APOOL: variants seen among roughly 807,000 people sequenced by gnomAD.
The protein encoded by APOOL is apolipoprotein O like, also known as MICOS complex subunit MIC27.
Under a neutral mutation model 23.1 loss-of-function variants are expected in APOOL, and 12 were observed. The observed-to-expected ratio is 0.52, with a 90% confidence interval of 0.33 to 0.84. APOOL has a LOEUF of 0.84. Among genes scored for constraint, APOOL ranks in the 40% least tolerant of loss-of-function variants. The pLI, the probability that APOOL is intolerant of heterozygous loss-of-function variation, is 0.02. For synonymous variants in APOOL, 77 were observed against 69.9 expected, an observed-to-expected ratio of 1.10 and a Z score of -0.51; for missense variants, 212 against 199.6, an observed-to-expected ratio of 1.06 and a Z score of -0.37.
chrX:85,046,304 T>C (rs1922571734), intron 1 of APOOL, 142 bp from the exon 2 acceptor site: 5 of 458,427 alleles, frequency 1.1e-5, no homozygotes, highest in Non-Finnish European at 1.8e-5. Context: ...CTTAAAAATG[T>C]CTGAGGTAAT....
At chrX:85,032,543 T>A (rs939413620) in intron 1 of APOOL, among the ~76,000 whole-genome samples, 3 of 110,848 alleles carry the variant, frequency 2.7e-5, no homozygotes, top group African/African-American at 9.8e-5. Context: ...TTAAAAAAGA[T>A]GTTTAATTGT....
Position 85,090,600 on chromosome X carries a change from A to T in APOOL, c.*2922A>T, listed in dbSNP as rs1161014480. 1 of 110,606 alleles carries T rather than the reference A, an allele frequency of 9.0e-6. No homozygotes were observed. Among genetic ancestry groups the T allele is most frequent in the Non-Finnish European group, 1.9e-5 (1 of 52,839 alleles). 9.1% of individuals were successfully genotyped at this position (110,606 alleles called of 1,213,427 possible). On this transcript the variant is annotated 3_prime_UTR_variant, in exon 9 of 9. Coordinates refer to ENST00000373173, the MANE Select transcript of APOOL (RefSeq NM_198450.6). The stretch of plus-strand genomic sequence containing the variant: ...AATCCTATCTTCCCTCTCCTTACCC[A>T]CCCTACTGCTAATGTGTATTATATT...
intron 1 of APOOL, among the ~76,000 whole-genome samples, chrX:85,005,667 G>A (rs1921053666): frequency 9.0e-6 from 1 of 110,559 alleles, no homozygotes; most frequent in Admixed American, 9.5e-5. Flanking sequence ...TAGTCAACAT[G>A]TTCTACATGA....
Position 85,063,633 on chromosome X carries a change from T to C in APOOL, c.395-3494T>C, listed in dbSNP as rs192702563. 1.3e-3 allele frequency among the ~76,000 whole-genome samples: 142 copies of C among 111,669 alleles called. 1 individual carries two copies. The highest frequency in any genetic ancestry group is 0.011 in the Admixed American group (120 of 10,483). ...TCTATTCAGATAATCATGTGGTTTT[T>C]GTCTTTAGTTCTTTTTACGTGATGA... On this transcript the variant is annotated intron_variant, in intron 5 of 8. Coordinates refer to ENST00000373173, the MANE Select transcript of APOOL (RefSeq NM_198450.6).
chrX:85,041,339 G>A (rs1242967515), intron 1 of APOOL, among the ~76,000 whole-genome samples: 1 of 111,697 alleles, frequency 9.0e-6, no homozygotes, highest in Non-Finnish European at 1.9e-5. Flanking sequence ...TGTAGTAGAG[G>A]TGGGGGCTGA....
At chrX:85,062,130 A>G (rs1179664784) in intron 5 of APOOL, among the ~76,000 whole-genome samples, 7 of 111,063 alleles carry the variant, frequency 6.3e-5, no homozygotes, top group Non-Finnish European at 1.3e-4. Context: ...CCTTCATTTC[A>G]TTATTTACCC....
chrX:85,080,943 T>C (rs1924071310), intron 8 of APOOL, among the ~76,000 whole-genome samples: 1 of 110,795 alleles, frequency 9.0e-6, no homozygotes, highest in South Asian at 3.8e-4. Context: ...TCCATCTGCT[T>C]GTTAGATCTT....
intron 5 of APOOL, among the ~76,000 whole-genome samples, chrX:85,061,173 C>T (rs886647580): frequency 3.6e-5 from 4 of 110,967 alleles, no homozygotes; most frequent in African/African-American, 9.8e-5. Flanking sequence ...GTTTGTATGC[C>T]GGATTACATT....
intron 1 of APOOL, among the ~76,000 whole-genome samples, chrX:85,034,547 A>G (rs947063313): frequency 7.2e-5 from 8 of 110,818 alleles, no homozygotes; most frequent in Admixed American, 2.9e-4. Flanking sequence ...ATGCTGATGT[A>G]TGGGGTTTGA....
intron 1 of APOOL, among the ~76,000 whole-genome samples, chrX:85,019,717 A>G (rs1161081838): frequency 9.0e-6 from 1 of 111,647 alleles, no homozygotes; most frequent in African/African-American, 3.3e-5. Flanking sequence ...CAGATCATCT[A>G]CAGAGTTCAG....
At chrX:85,069,479 A>G (rs1210678394) in intron 6 of APOOL, among the ~76,000 whole-genome samples, 2 of 109,009 alleles carry the variant, frequency 1.8e-5, no homozygotes, top group Non-Finnish European at 3.8e-5. Flanking sequence ...GCCTGGTGGC[A>G]GGCGCCTGCA....
chrX:85,005,488 T>A (rs1292230890), intron 1 of APOOL, among the ~76,000 whole-genome samples: 1 of 104,895 alleles, frequency 9.5e-6, no homozygotes, highest in Non-Finnish European at 1.9e-5. Context: ...AACTCTTGTT[T>A]GTGCTCCCAG....
chrX:85,053,632 T>C (rs1157209803), intron 3 of APOOL, among the ~76,000 whole-genome samples: 4 of 111,445 alleles, frequency 3.6e-5, no homozygotes, highest in African/African-American at 1.3e-4. Context: ...GACTTCCTTT[T>C]TTTTCTTATC....
At chrX:85,026,908 A>C (rs1194761658) in intron 1 of APOOL, among the ~76,000 whole-genome samples, 1 of 111,586 alleles carries the variant, frequency 9.0e-6, no homozygotes, top group Non-Finnish European at 1.9e-5. Flanking sequence ...ACACTTTTCC[A>C]ACCTCTGTCC....
chrX:85,060,794 G>A (rs997703612), intron 5 of APOOL, among the ~76,000 whole-genome samples: 2 of 111,401 alleles, frequency 1.8e-5, no homozygotes, highest in African/African-American at 3.3e-5. Context: ...AGACGATGGG[G>A]TTTTCTAGAT....
At chrX:85,072,849 T>G (rs1923715979) in intron 6 of APOOL, among the ~76,000 whole-genome samples, 1 of 112,236 alleles carries the variant, frequency 8.9e-6, no homozygotes, top group African/African-American at 3.2e-5. Context: ...ACATATGTAA[T>G]TTATTTTAAA....
intron 1 of APOOL, among the ~76,000 whole-genome samples, chrX:85,005,454 C>T (rs776630289): frequency 7.3e-4 from 8 of 10,949 alleles, no homozygotes; most frequent in Admixed American, 1.4e-3. Context: ...CCACCACGCC[C>T]GGTCCTCGCC....
intron 1 of APOOL, among the ~76,000 whole-genome samples, chrX:85,023,136 A>G (rs1772942453): frequency 8.9e-6 from 1 of 111,947 alleles, no homozygotes; most frequent in South Asian, 3.7e-4. Context: ...ACACAAAAGG[A>G]CTAAGACCCT....
At chrX:85,033,462 C>A (rs1335857346) in intron 1 of APOOL, among the ~76,000 whole-genome samples, 3 of 111,610 alleles carry the variant, frequency 2.7e-5, no homozygotes, top group African/African-American at 9.8e-5. Flanking sequence ...TGGGCAACAG[C>A]GAAAAATGGA....
Sources: allele counts gnomAD v4.1 joint callset (sites outside exome capture counted in the v4.1 genomes callset), GRCh38; gene constraint gnomAD v4.1.1; transcripts MANE v1.5; gene names NCBI Gene and HGNC (gene_info 2026-07-23, HGNC 2026-07-21).